The following CSMD1 variants were observed in gnomAD, a reference collection of about 807,000 sequenced individuals.
The protein encoded by CSMD1 is CUB and Sushi multiple domains 1.
A neutral mutation model predicts 417.5 loss-of-function variants in CSMD1; 213 were observed. The observed-to-expected ratio is 0.51, with a 90% confidence interval of 0.46 to 0.57. The LOEUF is 0.57. Among genes scored for constraint, CSMD1 ranks in the 20% least tolerant of loss-of-function variants. The probability of loss-of-function intolerance (pLI) is 0.00; values close to 1 mark genes in which losing one functional copy is unlikely to be tolerated. For missense variants in CSMD1, 6,923 were observed against 4,529.7 expected (o/e 1.53, Z -15.17); for synonymous variants, 2,862 against 1,736.8 (o/e 1.65, Z -16.11).
chr8:4,973,711 T>C (rs1810377281), intron 1 of CSMD1, among the ~76,000 whole-genome samples: 2 of 152,228 alleles, frequency 1.3e-5, no homozygotes, highest in Non-Finnish European at 2.9e-5. Context: ...TCAAGGCTTA[T>C]GTTGTGATAA....
intron 10 of CSMD1, among the ~76,000 whole-genome samples, chr8:3,494,858 C>T (rs1264414586): frequency 6.6e-6 from 1 of 152,144 alleles, no homozygotes; most frequent in Non-Finnish European, 1.5e-5. Flanking sequence ...AGAAAAGTAT[C>T]AAATGCCTGT....
At chr8:3,169,567 G>A (rs1036656034) in intron 37 of CSMD1, among the ~76,000 whole-genome samples, 4 of 152,100 alleles carry the variant, frequency 2.6e-5, no homozygotes, top group East Asian at 1.9e-4. Context: ...TTTGCAAGAT[G>A]TGAACATTGT....
chr8:4,407,029 T>C (rs1185701617), intron 3 of CSMD1, among the ~76,000 whole-genome samples: 1 of 152,202 alleles, frequency 6.6e-6, no homozygotes, highest in East Asian at 1.9e-4. Flanking sequence ...GTCCCCTGTC[T>C]TGGTAAATAA....
intron 12 of CSMD1, among the ~76,000 whole-genome samples, chr8:3,441,597 T>A (rs75659443): frequency 0.095 from 14,356 of 151,502 alleles, 769 homozygotes; most frequent in Middle Eastern, 0.15. Context: ...AAGATTATAA[T>A]GTAGTTAAAA....
intron 3 of CSMD1, among the ~76,000 whole-genome samples, chr8:4,253,010 C>A (rs776787385): frequency 7.9e-5 from 12 of 152,172 alleles, no homozygotes; most frequent in Non-Finnish European, 1.8e-4. Context: ...GTCGGATTAT[C>A]GGTACCAGCA....
chr8:4,544,383 T>A (rs1168861701), intron 2 of CSMD1, among the ~76,000 whole-genome samples: 1 of 152,110 alleles, frequency 6.6e-6, no homozygotes, highest in Non-Finnish European at 1.5e-5. Flanking sequence ...TTTTAAAAAA[T>A]CTATTGTTAC....
In CSMD1 at chr8:4,008,600, C is replaced by CTTTTTTTTTT. The variant is rs1161117794; in HGVS notation, c.611-10500_611-10491dup. On this transcript the variant is annotated intron_variant, in intron 4 of 69. Transcript: ENST00000635120. ...GATTCAGTATTTTCTTTCTTTTTTTCTTTTTTTTTTTTTTTTTTTTTTTTT... is the reference window on the plus strand; with the variant it reads ...GATTCAGTATTTTCTTTCTTTTTTTCTTTTTTTTTTTTTTTTTTTTTTTTTTTTTTTTTTT... 1.4e-3 allele frequency among the ~76,000 whole-genome samples: 115 copies of CTTTTTTTTTT among 80,446 alleles called. 1 individual carries two copies. Among genetic ancestry groups the CTTTTTTTTTT allele is most frequent in the African/African-American group, 2.9e-3 (55 of 18,938 alleles). 52.8% of individuals were successfully genotyped at this position (80,446 alleles called of 152,430 possible).
chr8:3,349,650 T>G (rs962838519), intron 21 of CSMD1, among the ~76,000 whole-genome samples: 6 of 151,136 alleles, frequency 4.0e-5, no homozygotes, highest in Admixed American at 6.6e-5. Context: ...ATTATGTATT[T>G]GTATAATTAT....
At chr8:4,832,725 A>T (rs1382776574) in intron 1 of CSMD1, among the ~76,000 whole-genome samples, 1 of 152,212 alleles carries the variant, frequency 6.6e-6, no homozygotes, top group African/African-American at 2.4e-5. Context: ...AATTGTTAAG[A>T]AATTAAAGTG....
chr8:3,504,730 A>G (rs1287442443), intron 10 of CSMD1, among the ~76,000 whole-genome samples: 2 of 152,122 alleles, frequency 1.3e-5, no homozygotes, highest in Non-Finnish European at 2.9e-5. Context: ...TCTCTATTGC[A>G]GTAGTGGTAT....
intron 2 of CSMD1, among the ~76,000 whole-genome samples, chr8:4,461,066 C>A (rs1049121077): frequency 6.6e-6 from 1 of 152,058 alleles, no homozygotes; most frequent in African/African-American, 2.4e-5. Context: ...TATACTGTGT[C>A]CAAGTGCTAT....
chr8:4,152,812 G>C (rs948417446), intron 3 of CSMD1, among the ~76,000 whole-genome samples: 2 of 151,996 alleles, frequency 1.3e-5, no homozygotes, highest in Non-Finnish European at 2.9e-5. Flanking sequence ...ACACATACAC[G>C]TATAGTGAGA....
At chr8:3,554,394 A>T (rs1799051158) in intron 10 of CSMD1, among the ~76,000 whole-genome samples, 1 of 152,180 alleles carries the variant, frequency 6.6e-6, no homozygotes, top group African/African-American at 2.4e-5. Flanking sequence ...GAGGAGGAAG[A>T]CAATGAAGCC....
intron 3 of CSMD1, among the ~76,000 whole-genome samples, chr8:4,393,356 A>G (rs750902581): frequency 2.8e-4 from 43 of 152,220 alleles, no homozygotes; most frequent in Non-Finnish European, 5.9e-4. Context: ...CATTTTCTAA[A>G]TTGCCAAGGC....
At chr8:3,045,382 T>C (rs1174124457) in intron 50 of CSMD1, among the ~76,000 whole-genome samples, 1 of 151,316 alleles carries the variant, frequency 6.6e-6, no homozygotes, top group Non-Finnish European at 1.5e-5. Context: ...TCTAGATATG[T>C]ATTTTAAAAC....
intron 1 of CSMD1, among the ~76,000 whole-genome samples, chr8:4,845,507 G>A (rs933652164): frequency 2.0e-5 from 3 of 152,198 alleles, no homozygotes; most frequent in Non-Finnish European, 2.9e-5. Flanking sequence ...TTGAAGTCAC[G>A]TTCTCCTCAA....
chr8:4,219,854 G>A (rs975196430), intron 3 of CSMD1, among the ~76,000 whole-genome samples: 2 of 152,142 alleles, frequency 1.3e-5, no homozygotes, highest in Non-Finnish European at 2.9e-5. Flanking sequence ...GTAGTGGGGA[G>A]TGCATAGAAA....
At chr8:4,809,075 TG>T (rs1458836602) in intron 1 of CSMD1, among the ~76,000 whole-genome samples, 1 of 152,196 alleles carries the variant, frequency 6.6e-6, no homozygotes, top group Admixed American at 6.5e-5. Flanking sequence ...TGCCTCTGGC[TG>T]CAGAATAAAA....
At chr8:4,262,960 T>C (rs1412099404) in intron 3 of CSMD1, among the ~76,000 whole-genome samples, 1 of 152,078 alleles carries the variant, frequency 6.6e-6, no homozygotes, top group East Asian at 1.9e-4. Context: ...GGAAACTGAG[T>C]CTCCAAGTAG....
Sources: allele counts gnomAD v4.1 joint callset (sites outside exome capture counted in the v4.1 genomes callset), GRCh38; gene constraint gnomAD v4.1.1; transcripts MANE v1.5; gene names NCBI Gene and HGNC (gene_info 2026-07-23, HGNC 2026-07-21).